Variants in KCNMA1 observed in about 807,000 individuals in gnomAD.
KCNMA1 encodes the protein potassium calcium-activated channel subfamily M alpha 1.
Under a neutral mutation model 140.0 loss-of-function variants are expected in KCNMA1, and 29 were observed. That is an observed-to-expected ratio of 0.21 (90% CI 0.15 to 0.28). KCNMA1 has a LOEUF of 0.28. Ranked by LOEUF, KCNMA1 falls within the 10% of genes least tolerant of loss-of-function variation. The pLI is 1.00. For synonymous variants in KCNMA1, 612 were observed against 611.9 expected (o/e 1.00, Z 0.00); for missense variants, 880 against 1,602.2 (o/e 0.55, Z 7.70).
At chr10:77,528,678 T>C (rs1321600730) in intron 1 of KCNMA1, among the ~76,000 whole-genome samples, 2 of 151,078 alleles carry the variant, frequency 1.3e-5, no homozygotes, top group African/African-American at 4.9e-5. Flanking sequence ...GCAGCACTAT[T>C]CACAATAGCC....
Position 77,098,119 on chromosome 10 carries a change from A to G in KCNMA1, c.1224-7609T>C, listed in dbSNP as rs148598387. Among the ~76,000 whole-genome samples the G allele has an allele frequency of 7.9e-5, 12 of 152,292 alleles. No homozygotes were observed. In the East Asian group the frequency reaches 2.1e-3, roughly 27 times the overall value. On this transcript the variant is annotated intron_variant, in intron 9 of 27. Coordinates refer to ENST00000286628, the MANE Select transcript of KCNMA1 (RefSeq NM_001161352.2). ...CATCCCAAATCACAGTTAGACCTCC[A>G]TAATTAGACCGTGGTGAGAAATGAT...
intron 2 of KCNMA1, among the ~76,000 whole-genome samples, chr10:77,306,712 C>A (rs2077844622): frequency 6.6e-6 from 1 of 152,106 alleles, no homozygotes; most frequent in African/African-American, 2.4e-5. Flanking sequence ...GGAATGTCAG[C>A]AGATTTGTAG....
chr10:77,174,962 T>C (rs761948479), intron 5 of KCNMA1, among the ~76,000 whole-genome samples: 1 of 152,264 alleles, frequency 6.6e-6, no homozygotes, highest in South Asian at 2.1e-4. Flanking sequence ...GGCCTGAACA[T>C]GAAGAGTTTT....
Position 77,636,498 on chromosome 10 carries a change from G to A in KCNMA1, c.378+767C>T, listed in dbSNP as rs115273369. 318 of 1,536,184 alleles carry A rather than the reference G, an allele frequency of 2.1e-4. 1 individual carries two copies. The African/African-American group carries it at 3.8e-3, about 19-fold the overall frequency. ...TCCGCGCTGCTGGTGGCATTTCCGG[G>A]GACCCAAAGTGGGTGGCCTGGGGGC... On this transcript the variant is annotated intron_variant, in intron 1 of 27. Coordinates refer to ENST00000286628, the MANE Select transcript of KCNMA1 (RefSeq NM_001161352.2).
chr10:76,899,543 T>A (rs2152102554), intron 25 of KCNMA1, among the ~76,000 whole-genome samples: 1 of 152,256 alleles, frequency 6.6e-6, no homozygotes, highest in African/African-American at 2.4e-5. Context: ...TGTCCATTTG[T>A]TTATGTATTG....
At chr10:77,424,521 C>CATTT (rs991951444) in intron 1 of KCNMA1, among the ~76,000 whole-genome samples, 1 of 151,812 alleles carries the variant, frequency 6.6e-6, no homozygotes, top group African/African-American at 2.4e-5. Context: ...TTCATTCATT[C>CATTT]ATTCATTCAT....
intron 2 of KCNMA1, among the ~76,000 whole-genome samples, chr10:77,275,387 T>C (rs988677889): frequency 6.6e-6 from 1 of 152,000 alleles, no homozygotes. Flanking sequence ...GTTCCAAAGA[T>C]TGGGTTCAAA....
At chr10:77,491,338 G>A (rs71475660) in intron 1 of KCNMA1, among the ~76,000 whole-genome samples, 22,902 of 152,020 alleles carry the variant, frequency 0.15, 2,029 homozygotes, top group Middle Eastern at 0.25. Context: ...TCGTGTGTCC[G>A]TGCCCTCAGT....
chr10:77,180,538 G>A (rs1021696732), intron 5 of KCNMA1, among the ~76,000 whole-genome samples: 8 of 152,120 alleles, frequency 5.3e-5, no homozygotes. Flanking sequence ...TATCCCAAAA[G>A]GTTATTGTTC....
intron 1 of KCNMA1, among the ~76,000 whole-genome samples, chr10:77,443,443 A>T (rs2097453780): frequency 1.3e-5 from 2 of 152,186 alleles, no homozygotes; most frequent in Non-Finnish European, 2.9e-5. Context: ...ACTAGGCTTC[A>T]CAGAGAACAC....
intron 2 of KCNMA1, among the ~76,000 whole-genome samples, chr10:77,340,887 A>AT (rs2090724170): frequency 6.7e-6 from 1 of 149,952 alleles, no homozygotes. Context: ...AAAAAAAAAA[A>AT]GAGTGACAGG....
intron 23 of KCNMA1, among the ~76,000 whole-genome samples, chr10:76,919,226 G>A (rs2054290769): frequency 6.6e-6 from 1 of 152,004 alleles, no homozygotes; most frequent in South Asian, 2.1e-4. Context: ...CTTGGGTGAA[G>A]GATGCACCAA....
intron 2 of KCNMA1, among the ~76,000 whole-genome samples, chr10:77,263,134 T>A (rs930786838): frequency 6.6e-6 from 1 of 152,148 alleles, no homozygotes; most frequent in Non-Finnish European, 1.5e-5. Flanking sequence ...TGGCAGTGGG[T>A]ATCTCCAAGA....
At chr10:76,942,349 A>G (rs2062735734) in intron 23 of KCNMA1, among the ~76,000 whole-genome samples, 1 of 152,144 alleles carries the variant, frequency 6.6e-6, no homozygotes. Context: ...ACCTAATACC[A>G]TCGCCTTGAG....
chr10:77,453,810 T>TG (rs1265115944), intron 1 of KCNMA1, among the ~76,000 whole-genome samples: 1 of 152,040 alleles, frequency 6.6e-6, no homozygotes, highest in Non-Finnish European at 1.5e-5. Flanking sequence ...CTATCCAAGG[T>TG]GGGGGAGAGA....
intron 2 of KCNMA1, among the ~76,000 whole-genome samples, chr10:77,395,061 T>C (rs1056993556): frequency 3.9e-5 from 6 of 152,142 alleles, no homozygotes; most frequent in African/African-American, 1.4e-4. Context: ...AAAATAACCA[T>C]TTAGGCCAGG....
chr10:76,934,823 T>C (rs1458091655), intron 23 of KCNMA1, among the ~76,000 whole-genome samples: 2 of 152,340 alleles, frequency 1.3e-5, no homozygotes, highest in East Asian at 1.9e-4. Context: ...GACCATTTTC[T>C]GAGCCTAGGC....
At chr10:77,052,789 A>G (rs1160512558) in intron 14 of KCNMA1, among the ~76,000 whole-genome samples, 1 of 152,178 alleles carries the variant, frequency 6.6e-6, no homozygotes, top group Admixed American at 6.5e-5. Context: ...CCAATTTTGC[A>G]TACTCAGCAA....
chr10:77,474,709 G>T (rs1215064042), intron 1 of KCNMA1, among the ~76,000 whole-genome samples: 1 of 151,998 alleles, frequency 6.6e-6, no homozygotes, highest in Non-Finnish European at 1.5e-5. Flanking sequence ...CTCTGTCATT[G>T]TATATGACTC....
Sources: gnomAD v4.1 joint callset for allele counts (sites outside exome capture counted in the v4.1 genomes callset) on GRCh38, gnomAD v4.1.1 for gene constraint, MANE v1.5 for transcripts, NCBI Gene and HGNC (gene_info 2026-07-23, HGNC 2026-07-21) for gene names.